Variants in ASTN2 observed in about 807,000 individuals in gnomAD.
ASTN2 encodes astrotactin-2.
Under a neutral mutation model 139.8 loss-of-function variants are expected in ASTN2, and 54 were observed. The observed-to-expected ratio is 0.39, with a 90% confidence interval of 0.31 to 0.48. The LOEUF (loss-of-function observed/expected upper bound fraction) is 0.48, where lower values mean the gene tolerates loss of function less well. Ranked by LOEUF, ASTN2 falls within the 20% of genes least tolerant of loss-of-function variation. The pLI, the probability that ASTN2 is intolerant of heterozygous loss-of-function variation, is 0.95. For missense variants in ASTN2, 1,565 were observed against 1,725.1 expected (o/e 0.91, Z 1.64); for synonymous variants, 756 against 719.5 (o/e 1.05, Z -0.81).
At chr9:117,174,128 T>C (rs975332189) in intron 3 of ASTN2, among the ~76,000 whole-genome samples, 1 of 37,638 alleles carries the variant, frequency 2.7e-5, no homozygotes, top group African/African-American at 1.1e-4. Flanking sequence ...GCTAACTAGA[T>C]AGATAGATAG....
chr9:117,135,870 G>A (rs1054600517), intron 4 of ASTN2, among the ~76,000 whole-genome samples: 5 of 152,152 alleles, frequency 3.3e-5, no homozygotes, highest in Admixed American at 1.3e-4. Flanking sequence ...TAGAAAGCAA[G>A]GCATACTGGG....
intron 17 of ASTN2, among the ~76,000 whole-genome samples, chr9:116,635,851 G>C (rs189708732): frequency 1.3e-5 from 2 of 152,228 alleles, no homozygotes; most frequent in Admixed American, 6.5e-5. Flanking sequence ...TTTTCATTGA[G>C]TTTTGAGACA....
At chr9:116,609,328 C>CTCTCTATATA (rs140484650) in intron 19 of ASTN2, among the ~76,000 whole-genome samples, 15 of 122,538 alleles carry the variant, frequency 1.2e-4, no homozygotes, top group African/African-American at 2.5e-4. Flanking sequence ...CTCTCTCTCT[C>CTCTCTATATA]TATATATATA....
At chr9:116,940,738 T>C (rs1425158303) in intron 10 of ASTN2, among the ~76,000 whole-genome samples, 3 of 152,146 alleles carry the variant, frequency 2.0e-5, no homozygotes, top group Non-Finnish European at 4.4e-5. Context: ...GTGTACAGTG[T>C]TTATAAAGTC....
intron 10 of ASTN2, among the ~76,000 whole-genome samples, chr9:116,961,933 C>T (rs1835885073): frequency 6.6e-6 from 1 of 152,206 alleles, no homozygotes; most frequent in Non-Finnish European, 1.5e-5. Flanking sequence ...TGATTCTCAA[C>T]AGCATTTGCA....
At chr9:116,944,272 T>C (rs1178217569) in intron 10 of ASTN2, among the ~76,000 whole-genome samples, 2 of 152,054 alleles carry the variant, frequency 1.3e-5, no homozygotes, top group Non-Finnish European at 2.9e-5. Context: ...GATGGAGAGA[T>C]CTACACAAAT....
chr9:117,072,025 G>T (rs1321465680), intron 5 of ASTN2, among the ~76,000 whole-genome samples: 1 of 152,088 alleles, frequency 6.6e-6, no homozygotes, highest in Non-Finnish European at 1.5e-5. Flanking sequence ...CGGCCATCTT[G>T]GCTCCTCCCC....
intron 1 of ASTN2, among the ~76,000 whole-genome samples, chr9:117,390,408 G>T (rs1830511646): frequency 6.6e-6 from 1 of 152,116 alleles, no homozygotes; most frequent in Non-Finnish European, 1.5e-5. Context: ...CATTCTATGG[G>T]TTTGACAAAT....
At chr9:116,931,421 C>T (rs960470226) in intron 10 of ASTN2, among the ~76,000 whole-genome samples, 4 of 152,130 alleles carry the variant, frequency 2.6e-5, no homozygotes, top group Admixed American at 1.3e-4. Flanking sequence ...AAGGCAGACC[C>T]CTAACTTGGG....
intron 7 of ASTN2, among the ~76,000 whole-genome samples, chr9:117,003,953 C>CGCGCGCGTGTGTGTGTGTGT (rs1218309835): frequency 5.6e-4 from 82 of 146,282 alleles, no homozygotes; most frequent in African/African-American, 2.1e-3. Context: ...CGCGCGCGCG[C>CGCGCGCGTGTGTGTGTGTGT]GTGTGTGTGT....
intron 10 of ASTN2, among the ~76,000 whole-genome samples, chr9:116,971,433 T>C (rs904826800): frequency 1.3e-5 from 2 of 152,202 alleles, no homozygotes; most frequent in African/African-American, 4.8e-5. Context: ...ATTCCCTCAG[T>C]CGGATACATC....
At chr9:117,072,917 G>A (rs1828174269) in intron 5 of ASTN2, among the ~76,000 whole-genome samples, 1 of 152,022 alleles carries the variant, frequency 6.6e-6, no homozygotes, top group African/African-American at 2.4e-5. Context: ...TGATTTGCAG[G>A]TAAGGCAAAA....
chr9:116,512,213 G>T (rs533902137), intron 19 of ASTN2, among the ~76,000 whole-genome samples: 17 of 152,162 alleles, frequency 1.1e-4, no homozygotes, highest in Non-Finnish European at 1.6e-4. Flanking sequence ...CTTTGTTCTC[G>T]TTGATTTCAA....
chr9:117,358,723 C>T (rs1829614099), intron 1 of ASTN2, among the ~76,000 whole-genome samples: 1 of 152,150 alleles, frequency 6.6e-6, no homozygotes, highest in Non-Finnish European at 1.5e-5. Flanking sequence ...AGTTCATGGG[C>T]TGCTGGAGAA....
At chr9:117,397,641 T>A (rs1482283805) in intron 1 of ASTN2, among the ~76,000 whole-genome samples, 1 of 152,192 alleles carries the variant, frequency 6.6e-6, no homozygotes, top group African/African-American at 2.4e-5. Flanking sequence ...TGTATGCACA[T>A]TTACGTATTT....
chr9:116,436,977 C>T (rs1277603015), intron 22 of ASTN2, among the ~76,000 whole-genome samples: 2 of 149,952 alleles, frequency 1.3e-5, no homozygotes, highest in Admixed American at 6.7e-5. Flanking sequence ...CCAAACACCA[C>T]ATATTCTCAC....
intron 19 of ASTN2, among the ~76,000 whole-genome samples, chr9:116,524,339 C>T (rs1373431237): frequency 6.6e-6 from 1 of 151,998 alleles, no homozygotes; most frequent in Non-Finnish European, 1.5e-5. Context: ...TGCTGAAACA[C>T]AGTACTTTAC....
chr9:117,259,902 A>G (rs2133106298), intron 2 of ASTN2, among the ~76,000 whole-genome samples: 1 of 152,234 alleles, frequency 6.6e-6, no homozygotes, highest in East Asian at 1.9e-4. Context: ...ACAGATGCAA[A>G]TTATTAAAAT....
At chr9:116,881,712 T>A (rs922996676) in intron 10 of ASTN2, among the ~76,000 whole-genome samples, 11 of 152,186 alleles carry the variant, frequency 7.2e-5, no homozygotes, top group Non-Finnish European at 1.3e-4. Context: ...AGATCCCAGC[T>A]TATGTAAAAC....
Sources: allele counts gnomAD v4.1 joint callset (sites outside exome capture counted in the v4.1 genomes callset), GRCh38; gene constraint gnomAD v4.1.1; transcripts MANE v1.5; gene names NCBI Gene and HGNC (gene_info 2026-07-23, HGNC 2026-07-21).